Variants in ARHGAP26 observed in about 807,000 individuals in gnomAD.
ARHGAP26 encodes Rho GTPase activating protein 26, also known as rho GTPase-activating protein 26.
Under a neutral mutation model 104.8 loss-of-function variants are expected in ARHGAP26, and 38 were observed. That is an observed-to-expected ratio of 0.36 (90% CI 0.28 to 0.48). The LOEUF (loss-of-function observed/expected upper bound fraction) is 0.48, where lower values mean the gene tolerates loss of function less well. Among genes scored for constraint, ARHGAP26 ranks in the 20% least tolerant of loss-of-function variants. The pLI is 0.99. For missense variants in ARHGAP26, 704 were observed against 947.9 expected (o/e 0.74, Z 3.38); for synonymous variants, 341 against 340.0 (o/e 1.00, Z -0.03).
chr5:142,855,146 C>T (rs1752137342), intron 1 of ARHGAP26, among the ~76,000 whole-genome samples: 1 of 152,052 alleles, frequency 6.6e-6, no homozygotes, highest in African/African-American at 2.4e-5. Flanking sequence ...AGAGTGAAGT[C>T]ACCGTTTTAG....
intron 17 of ARHGAP26, among the ~76,000 whole-genome samples, chr5:143,086,457 C>CT (rs1041556892): frequency 7.2e-5 from 11 of 152,124 alleles, no homozygotes; most frequent in African/African-American, 2.7e-4. Context: ...GGGAAATAAA[C>CT]TTGGGACTCC....
intron 1 of ARHGAP26, among the ~76,000 whole-genome samples, chr5:142,840,543 G>A (rs192565381): frequency 2.3e-3 from 354 of 152,278 alleles, no homozygotes; most frequent in Non-Finnish European, 4.4e-3. Context: ...ATGTGGAAAA[G>A]ACAGACAGTA....
At chr5:142,877,040 TG>T (rs370451338) in intron 3 of ARHGAP26, among the ~76,000 whole-genome samples, 1 of 151,948 alleles carries the variant, frequency 6.6e-6, no homozygotes, top group African/African-American at 2.4e-5. Context: ...AGTTAGTATT[TG>T]GGGGTGGGGG....
intron 11 of ARHGAP26, among the ~76,000 whole-genome samples, chr5:142,984,095 T>G (rs1774332753): frequency 1.3e-5 from 2 of 152,204 alleles, no homozygotes; most frequent in African/African-American, 4.8e-5. Flanking sequence ...TCCTTTAGGA[T>G]GTAGGCTTTT....
chr5:142,822,088 T>C (rs1199497345), intron 1 of ARHGAP26, among the ~76,000 whole-genome samples: 1 of 152,242 alleles, frequency 6.6e-6, no homozygotes, highest in Non-Finnish European at 1.5e-5. Flanking sequence ...ATGATTGCAC[T>C]GGCTTCTCAA....
intron 12 of ARHGAP26, among the ~76,000 whole-genome samples, chr5:143,026,182 G>A (rs912468563): frequency 2.0e-5 from 3 of 152,096 alleles, no homozygotes; most frequent in Non-Finnish European, 4.4e-5. Context: ...TTGGCCTGTC[G>A]GCTCCTTGTG....
chr5:142,786,847 A>G (rs1232646931), intron 1 of ARHGAP26, among the ~76,000 whole-genome samples: 2 of 151,666 alleles, frequency 1.3e-5, no homozygotes, highest in African/African-American at 4.8e-5. Context: ...GGGTTTCACC[A>G]TGTTGGCCAG....
intron 18 of ARHGAP26, among the ~76,000 whole-genome samples, chr5:143,124,586 C>G (rs1254681382): frequency 2.6e-5 from 4 of 152,234 alleles, no homozygotes; most frequent in Non-Finnish European, 5.9e-5. Flanking sequence ...AGACCCCCCT[C>G]TTTCCAGGTG....
intron 11 of ARHGAP26, among the ~76,000 whole-genome samples, chr5:143,011,827 G>C (rs150808242): frequency 6.6e-6 from 1 of 152,234 alleles, no homozygotes; most frequent in South Asian, 2.1e-4. Flanking sequence ...CCTAGACTTC[G>C]TGGTGACTTT....
At chr5:142,830,828 CT>C (rs1447496750) in intron 1 of ARHGAP26, among the ~76,000 whole-genome samples, 3 of 152,194 alleles carry the variant, frequency 2.0e-5, no homozygotes, top group African/African-American at 2.4e-5. Context: ...CCGTATCCCC[CT>C]CTCTCAGTTT....
intron 1 of ARHGAP26, among the ~76,000 whole-genome samples, chr5:142,781,995 A>G (rs188861575): frequency 1.7e-3 from 257 of 152,320 alleles, no homozygotes; most frequent in Admixed American, 4.2e-3. Context: ...GATTACAGGC[A>G]TGAGCCACTG....
chr5:143,214,205 A>G (rs555793640), intron 22 of ARHGAP26, 117 bp downstream of exon 22: 68 of 672,736 alleles, frequency 1.0e-4, no homozygotes, highest in Admixed American at 8.3e-4. Context: ...AATGGGTAAG[A>G]AAAAAAGTGT....
At chr5:143,029,760 T>C (rs1484660486) in intron 12 of ARHGAP26, among the ~76,000 whole-genome samples, 1 of 152,076 alleles carries the variant, frequency 6.6e-6, no homozygotes, top group African/African-American at 2.4e-5. Flanking sequence ...CAAATTCCAT[T>C]TCTCCCACAA....
At chr5:142,910,407 A>G (rs1261387395) in intron 9 of ARHGAP26, among the ~76,000 whole-genome samples, 1 of 152,186 alleles carries the variant, frequency 6.6e-6, no homozygotes, top group Admixed American at 6.5e-5. Context: ...TCGATTGTGT[A>G]GAGGAATCAT....
intron 1 of ARHGAP26, among the ~76,000 whole-genome samples, chr5:142,852,746 C>G (rs921071281): frequency 6.6e-6 from 1 of 152,196 alleles, no homozygotes; most frequent in Non-Finnish European, 1.5e-5. Context: ...CCCTGGAACT[C>G]TGTCATCATG....
intron 11 of ARHGAP26, among the ~76,000 whole-genome samples, chr5:143,001,787 A>G (rs1001940829): frequency 1.6e-4 from 24 of 152,246 alleles, no homozygotes; most frequent in African/African-American, 4.8e-4. Flanking sequence ...ATGTGATCAC[A>G]GTGCTGGGGA....
At chr5:143,176,529 T>C (rs1201240842) in intron 20 of ARHGAP26, among the ~76,000 whole-genome samples, 1 of 152,194 alleles carries the variant, frequency 6.6e-6, no homozygotes, top group African/African-American at 2.4e-5. Flanking sequence ...ACCTCCATGC[T>C]CATATGCATT....
Position 142,997,031 on chromosome 5 carries a change from CT to C in ARHGAP26, c.1108-17048del, listed in dbSNP as rs138699511. 2.6e-5 allele frequency among the ~76,000 whole-genome samples: 4 copies of C among 152,226 alleles called. No homozygotes were observed. The East Asian group carries it at 7.7e-4, about 29-fold the overall frequency. On this transcript the variant is annotated intron_variant, in intron 11 of 22. Transcript: ENST00000645722. ...ATCCTACAACAGACTGTTGAAACTA[CT>C]GAACTCTATTGTAGCACAAAAACAG...
intron 6 of ARHGAP26, among the ~76,000 whole-genome samples, chr5:142,899,071 C>T (rs37214): frequency 0.19 from 29,366 of 152,162 alleles, 3,148 homozygotes; most frequent in South Asian, 0.41. Context: ...TGCCTCCCTC[C>T]AGTCCTTCAT....
Sources: allele counts gnomAD v4.1 joint callset (sites outside exome capture counted in the v4.1 genomes callset), GRCh38; gene constraint gnomAD v4.1.1; transcripts MANE v1.5; gene names NCBI Gene and HGNC (gene_info 2026-07-23, HGNC 2026-07-21).